ZMYM2: variants seen among roughly 807,000 people sequenced by gnomAD.
The protein encoded by ZMYM2 is zinc finger MYM-type containing 2.
Under a neutral mutation model 162.8 loss-of-function variants are expected in ZMYM2, and 56 were observed. The observed-to-expected ratio is 0.34, with a 90% CI of 0.28 to 0.43. The LOEUF is 0.43. ZMYM2 is among the 20% of genes least tolerant of loss of function. ZMYM2 has a pLI of 1.00. For synonymous variants in ZMYM2, 510 were observed against 541.6 expected, an observed-to-expected ratio of 0.94 and a Z score of 0.81; for missense variants, 1,275 against 1,621.8, an observed-to-expected ratio of 0.79 and a Z score of 3.67.
chr13:19,935,167 C>T, the ZMYM2 span, among the ~76,000 whole-genome samples: 66,374 of 152,052 alleles, frequency 0.44, 16,629 homozygotes, highest in East Asian at 0.58. Context: ...CAGAGTTCCA[C>T]TCTGTAGCCC....
chr13:19,971,843 G>T (rs1289492903), intron 2 of ZMYM2, among the ~76,000 whole-genome samples: 5 of 151,944 alleles, frequency 3.3e-5, no homozygotes, highest in African/African-American at 1.2e-4. Context: ...ACTGGAAGAG[G>T]TACAGATAAA....
chr13:19,906,353 GTATA>G, the ZMYM2 span, among the ~76,000 whole-genome samples: 2 of 134,284 alleles, frequency 1.5e-5, no homozygotes, highest in African/African-American at 5.5e-5. Context: ...ATATGTGTGT[GTATA>G]TATATATGTA....
chr13:19,898,950 T>TC, the ZMYM2 span, among the ~76,000 whole-genome samples: 1 of 149,360 alleles, frequency 6.7e-6, no homozygotes, highest in Non-Finnish European at 1.5e-5. Flanking sequence ...TTTTTTTTTT[T>TC]CCTTTTTAGA....
the ZMYM2 span, among the ~76,000 whole-genome samples, chr13:19,936,859 T>C: frequency 6.6e-6 from 1 of 152,142 alleles, no homozygotes; most frequent in African/African-American, 2.4e-5. Context: ...TACTAAAATA[T>C]ACCAAATGAG....
At chr13:20,058,847 AG>A in intron 15 of ZMYM2, 143 bp downstream of exon 15, 1 of 1,061,548 alleles carries the variant, frequency 9.4e-7, no homozygotes, top group Non-Finnish European at 1.4e-6. Flanking sequence ...ACGTAATTTT[AG>A]ATATTACCTG....
chr13:19,917,250 C>CGG, the ZMYM2 span, among the ~76,000 whole-genome samples: 1 of 152,110 alleles, frequency 6.6e-6, no homozygotes, highest in Non-Finnish European at 1.5e-5. Flanking sequence ...GCATGAGCCA[C>CGG]CACGCCCGGC....
At chr13:19,961,224 T>G (rs949879772) in intron 2 of ZMYM2, among the ~76,000 whole-genome samples, 1 of 152,120 alleles carries the variant, frequency 6.6e-6, no homozygotes, top group Non-Finnish European at 1.5e-5. Context: ...TATCAATACG[T>G]GCCCACACTA....
At chr13:20,023,940 C>CT (rs536997476) in intron 7 of ZMYM2, among the ~76,000 whole-genome samples, 14,813 of 143,524 alleles carry the variant, frequency 0.1, 1,219 homozygotes, top group African/African-American at 0.22. Flanking sequence ...TTTTCTTCTT[C>CT]TTTTTTTTTT....
At chr13:20,065,053 A>G (rs950791432) in intron 19 of ZMYM2, among the ~76,000 whole-genome samples, 5 of 152,176 alleles carry the variant, frequency 3.3e-5, no homozygotes, top group Admixed American at 2.6e-4. Flanking sequence ...CACACATAGA[A>G]AGACATGCTG....
intron 21 of ZMYM2, chr13:20,070,913 C>G (rs1957039490): frequency 9.4e-6 from 1 of 106,890 alleles, no homozygotes; most frequent in African/African-American, 3.6e-5. Flanking sequence ...AGTGTAGATC[C>G]TTTGAGACCA....
chr13:19,931,773 G>A, the ZMYM2 span, among the ~76,000 whole-genome samples: 5 of 152,250 alleles, frequency 3.3e-5, no homozygotes, highest in Admixed American at 6.5e-5. Context: ...AGAGGCGCAC[G>A]CCAAAATACC....
chr13:19,975,861 A>AACGT (rs1555280803), intron 2 of ZMYM2, among the ~76,000 whole-genome samples: 2 of 146,890 alleles, frequency 1.4e-5, no homozygotes, highest in Non-Finnish European at 3.0e-5. Context: ...CCATTTTTAA[A>AACGT]ATGTATGTAT....
intron 15 of ZMYM2, chr13:20,059,034 A>T (rs1452456685): frequency 9.6e-6 from 4 of 417,588 alleles, no homozygotes; most frequent in Non-Finnish European, 1.8e-5. Flanking sequence ...TTGTAATGGT[A>T]ACAGTTCTGT....
At chr13:19,973,369 A>G (rs1956493454) in intron 2 of ZMYM2, among the ~76,000 whole-genome samples, 2 of 152,158 alleles carry the variant, frequency 1.3e-5, no homozygotes, top group Admixed American at 1.3e-4. Context: ...GAAGGAAACT[A>G]TAAAACAGTA....
At chr13:20,084,754 G>A (rs982982394) in intron 24 of ZMYM2, among the ~76,000 whole-genome samples, 1 of 152,134 alleles carries the variant, frequency 6.6e-6, no homozygotes, top group African/African-American at 2.4e-5. Context: ...CTTGCCTGTT[G>A]TTTTAAGTAA....
At chr13:20,019,202 A>T (rs1345891003) in intron 6 of ZMYM2, among the ~76,000 whole-genome samples, 2 of 150,080 alleles carry the variant, frequency 1.3e-5, no homozygotes, top group South Asian at 4.1e-4. Context: ...GAGTTTCATT[A>T]TAAGTGTTAA....
At chr13:19,907,760 T>TAAA in the ZMYM2 span, among the ~76,000 whole-genome samples, 4 of 1,278 alleles carry the variant, frequency 3.1e-3, no homozygotes, top group Non-Finnish European at 0.025. Context: ...AGACTCTGTC[T>TAAA]CAAAAAAAAA....
rs116558953 is a variant in ZMYM2, at chr13:19,983,740, C to T, written c.-10-9323C>T. Among the ~76,000 whole-genome samples, 1,027 of 152,154 alleles carry T rather than the reference C, an allele frequency of 6.7e-3. 14 individuals carry two copies. The highest frequency in any genetic ancestry group is 0.024 in the African/African-American group (987 of 41,502). ...ACCTCCTGGGCTCAAGTGATCCTCC[C>T]GCCTCAGTCCCATAAGTAGCTGGGA... On this transcript the variant is annotated intron_variant, in intron 2 of 24. Coordinates refer to ENST00000610343, the MANE Select transcript of ZMYM2 (RefSeq NM_197968.4).
Position 20,088,391 on chromosome 13 carries a change from A to C in ZMYM2, c.*2377A>C, listed in dbSNP as rs1958388925. On this transcript the variant is annotated 3_prime_UTR_variant, in exon 25 of 25. Coordinates refer to ENST00000610343, the MANE Select transcript of ZMYM2 (RefSeq NM_197968.4). ...TTCTAGGTGATCTCTGATTATAGATAGCATCCTGTAAATATAACTTTATTG... is the reference window on the plus strand; with the variant it reads ...TTCTAGGTGATCTCTGATTATAGATCGCATCCTGTAAATATAACTTTATTG... The C allele has an allele frequency of 9.9e-6, 2 of 202,064 alleles. No individual in the cohort carries two copies. The highest frequency in any genetic ancestry group is 2.0e-5 in the Non-Finnish European group (2 of 98,162). The allele number at this position is 202,064 out of a possible 1,614,324, so 12.5% of individuals were successfully genotyped here. A position where few individuals can be genotyped will look rare whatever the true frequency, so the allele number is the denominator to read the frequency against.
Sources: allele counts gnomAD v4.1 joint callset (sites outside exome capture counted in the v4.1 genomes callset), GRCh38; gene constraint gnomAD v4.1.1; transcripts MANE v1.5; gene names NCBI Gene and HGNC (gene_info 2026-07-23, HGNC 2026-07-21).